Variants in TIMP3 observed in about 807,000 individuals in gnomAD.
TIMP3 encodes metalloproteinase inhibitor 3.
Under a neutral mutation model 30.0 loss-of-function variants are expected in TIMP3, and 11 were observed. That is an observed-to-expected ratio of 0.37 (90% CI 0.23 to 0.61). TIMP3 has a LOEUF of 0.61. TIMP3 is among the 20% of genes least tolerant of loss of function. The probability of loss-of-function intolerance (pLI) is 0.70; values close to 1 mark genes in which losing one functional copy is unlikely to be tolerated. For synonymous variants in TIMP3, 112 were observed against 111.3 expected, an observed-to-expected ratio of 1.01 and a Z score of -0.04; for missense variants, 181 against 276.8, an observed-to-expected ratio of 0.65 and a Z score of 2.45.
chr22:32,826,702 G>C (rs2146099178), intron 1 of TIMP3, among the ~76,000 whole-genome samples: 1 of 152,288 alleles, frequency 6.6e-6, no homozygotes, highest in Admixed American at 6.5e-5. Context: ...TATTTGAGCT[G>C]GAATAAAATG....
chr22:32,861,526 G>C lies in TIMP3; in HGVS notation c.*2149G>C, dbSNP rs2048537469. 6.6e-6 allele frequency: 1 copy of C among 152,380 alleles called. No homozygotes were observed. The highest frequency in any genetic ancestry group is 6.5e-5 in the Admixed American group (1 of 15,282). The allele number at this position is 152,380 out of a possible 1,614,324, so 9.4% of individuals were successfully genotyped here. A position where few individuals can be genotyped will look rare whatever the true frequency, so the allele number is the denominator to read the frequency against. The stretch of plus-strand genomic sequence containing the variant: ...AACCTACACAAGTTCCCTCCCACAA[G>C]TGGACATCAGTGTCTTCTCTGTGAG... On this transcript the variant is annotated 3_prime_UTR_variant, in exon 5 of 5. Transcript: ENST00000266085.
chr22:32,839,922 T>A (rs1366083355), intron 1 of TIMP3, among the ~76,000 whole-genome samples: 3 of 151,916 alleles, frequency 2.0e-5, no homozygotes, highest in African/African-American at 7.3e-5. Flanking sequence ...CCTGAGTTTT[T>A]CCCAGACCGC....
intron 1 of TIMP3, among the ~76,000 whole-genome samples, chr22:32,819,406 G>A (rs1471332629): frequency 6.6e-6 from 1 of 152,240 alleles, no homozygotes; most frequent in Non-Finnish European, 1.5e-5. Flanking sequence ...ACATGTAGAA[G>A]GGTGTATCTC....
At chr22:32,836,038 A>G (rs2047720576) in intron 1 of TIMP3, among the ~76,000 whole-genome samples, 1 of 152,216 alleles carries the variant, frequency 6.6e-6, no homozygotes, top group South Asian at 2.1e-4. Context: ...AATATTTAGT[A>G]GTAGAAAGAA....
chr22:32,825,706 T>G (rs1180801169), intron 1 of TIMP3, among the ~76,000 whole-genome samples: 2 of 145,112 alleles, frequency 1.4e-5, no homozygotes, highest in African/African-American at 2.6e-5. Flanking sequence ...AAGATGTGTG[T>G]ATGTGTGTAT....
At chr22:32,836,346 G>C (rs760351460) in intron 1 of TIMP3, among the ~76,000 whole-genome samples, 1 of 152,142 alleles carries the variant, frequency 6.6e-6, no homozygotes, top group Non-Finnish European at 1.5e-5. Flanking sequence ...AGAGTAGTTG[G>C]TCTTCTCCTT....
intron 3 of TIMP3, 71 bp downstream of exon 3, chr22:32,857,431 C>A (rs964471061): frequency 3.3e-5 from 38 of 1,148,252 alleles, no homozygotes; most frequent in Non-Finnish European, 4.7e-5. Context: ...CAGAAGAACA[C>A]ATACGGAGTA....
At chr22:32,855,313 C>T (rs1310434887) in intron 2 of TIMP3, among the ~76,000 whole-genome samples, 1 of 152,222 alleles carries the variant, frequency 6.6e-6, no homozygotes, top group Non-Finnish European at 1.5e-5. Flanking sequence ...TACATTCATT[C>T]ACCCCAGTGA....
intron 1 of TIMP3, among the ~76,000 whole-genome samples, chr22:32,820,976 C>G (rs2047230315): frequency 6.6e-6 from 1 of 152,130 alleles, no homozygotes. Flanking sequence ...CTGAGCCAAG[C>G]ATGACCAATC....
intron 1 of TIMP3, among the ~76,000 whole-genome samples, chr22:32,819,609 G>T (rs983237472): frequency 1.3e-5 from 2 of 152,230 alleles, no homozygotes; most frequent in African/African-American, 2.4e-5. Flanking sequence ...ATCAGCTGTG[G>T]CCTCTACAGC....
At chr22:32,842,781 C>G (rs1172365771) in intron 1 of TIMP3, among the ~76,000 whole-genome samples, 2 of 152,108 alleles carry the variant, frequency 1.3e-5, no homozygotes, top group African/African-American at 4.8e-5. Flanking sequence ...AAGGTCTAAA[C>G]AGATGATACG....
At chr22:32,833,976 C>A in intron 1 of TIMP3, 2 of 464,812 alleles carry the variant, frequency 4.3e-6, no homozygotes, top group Admixed American at 2.1e-5. Context: ...CCCACATGAC[C>A]ATCCTCCTGC....
chr22:32,822,816 TGAAA>T (rs1438911357), intron 1 of TIMP3, among the ~76,000 whole-genome samples: 1 of 151,978 alleles, frequency 6.6e-6, no homozygotes, highest in Non-Finnish European at 1.5e-5. Context: ...GAAAGGTGAA[TGAAA>T]GAGTCATAAA....
intron 1 of TIMP3, among the ~76,000 whole-genome samples, chr22:32,841,927 A>G (rs1339755115): frequency 6.6e-6 from 1 of 152,284 alleles, no homozygotes; most frequent in South Asian, 2.1e-4. Context: ...AGTTGTGCAG[A>G]TGGTGCTGAG....
intron 1 of TIMP3, among the ~76,000 whole-genome samples, chr22:32,826,166 C>T (rs960352610): frequency 9.9e-5 from 15 of 152,264 alleles, no homozygotes; most frequent in East Asian, 3.9e-4. Flanking sequence ...TGGTGGCTCA[C>T]GCCTGTAATT....
In TIMP3 at chr22:32,861,000, T is replaced by C. The variant is rs1336187226; in HGVS notation, c.*1623T>C. The C allele has an allele frequency of 6.6e-6, 1 of 151,720 alleles. No homozygotes were observed. The highest frequency in any genetic ancestry group is 2.4e-5 in the African/African-American group (1 of 41,170). The allele number at this position is 151,720 out of a possible 1,614,324, so 9.4% of individuals were successfully genotyped here. ...TTAAGTTTTAGTGTCAAAAGTGAGA[T>C]GCTGAGAGTAGGTGATAATGTATAT... On this transcript the variant is annotated 3_prime_UTR_variant, in exon 5 of 5. Transcript: ENST00000266085.
At position 32,858,111 on chromosome 22, in the gene TIMP3, T is replaced by C. The variant is rs2048424733; in HGVS notation, c.411T>C (p.Tyr137=). Residue 137 remains tyrosine (Y), a synonymous_variant, in exon 4 of 5, where the codon TAT becomes TAC. Transcript: ENST00000266085. ...TCTCCCAGCGCAAGGGGCTGAACTATCGGTATCACCTGGGTTGTAACTGCA... is the reference window on the plus strand; with the variant it reads ...TCTCCCAGCGCAAGGGGCTGAACTACCGGTATCACCTGGGTTGTAACTGCA... ...LTLSQRKGLN[Y]RYHLGCNCKI... 1.9e-6 allele frequency: 3 copies of C among 1,614,148 alleles called. No individual in the cohort carries two copies. In the South Asian group the frequency reaches 3.3e-5, roughly 18 times the overall value.
intron 1 of TIMP3, among the ~76,000 whole-genome samples, chr22:32,829,605 TG>T (rs562948614): frequency 2.6e-3 from 400 of 152,350 alleles, no homozygotes; most frequent in African/African-American, 8.8e-3. Flanking sequence ...GGCCTGGGTC[TG>T]GCCTTCATTC....
chr22:32,830,952 T>C (rs1277107823), intron 1 of TIMP3, among the ~76,000 whole-genome samples: 2 of 152,066 alleles, frequency 1.3e-5, no homozygotes, highest in African/African-American at 4.8e-5. Flanking sequence ...AAAAAATGTG[T>C]GTTTTTTTTT....
Sources: gnomAD v4.1 joint callset for allele counts (sites outside exome capture counted in the v4.1 genomes callset) on GRCh38, gnomAD v4.1.1 for gene constraint, MANE v1.5 for transcripts, NCBI Gene and HGNC (gene_info 2026-07-23, HGNC 2026-07-21) for gene names.